Variants in ZNF469 observed in about 807,000 individuals in gnomAD.
The protein encoded by ZNF469 is zinc finger protein 469.
Under a neutral mutation model 1.0 loss-of-function variants are expected in ZNF469, and 1 was observed. That is an observed-to-expected ratio of 1.00 (90% CI 0.35 to 4.73). ZNF469 has a LOEUF of 4.73. ZNF469 is among the 30% of genes most tolerant of loss of function. The pLI, the probability that ZNF469 is intolerant of heterozygous loss-of-function variation, is 0.16. For synonymous variants in ZNF469, 2,703 were observed against 2,363.4 expected (o/e 1.14, Z -4.17); for missense variants, 6,100 against 5,356.3 (o/e 1.14, Z -4.33).
intron 1 of ZNF469, among the ~76,000 whole-genome samples, chr16:88,407,081 G>A (rs902257030): frequency 2.0e-5 from 3 of 152,216 alleles, no homozygotes; most frequent in South Asian, 2.1e-4. Context: ...TGTGACCGCC[G>A]CACCTGGGCC....
At chr16:88,289,172 T>G in the ZNF469 span, among the ~76,000 whole-genome samples, 1 of 151,132 alleles carries the variant, frequency 6.6e-6, no homozygotes, top group Non-Finnish European at 1.5e-5. Context: ...ATGATGATGA[T>G]GAGGGTGTTG....
the ZNF469 span, among the ~76,000 whole-genome samples, chr16:88,327,023 G>A: frequency 1.3e-5 from 2 of 152,188 alleles, no homozygotes; most frequent in African/African-American, 4.8e-5. Context: ...GGGCGGCCCC[G>A]CCTCTCTGAT....
chr16:88,336,822 A>G, the ZNF469 span, among the ~76,000 whole-genome samples: 1 of 152,214 alleles, frequency 6.6e-6, no homozygotes, highest in Non-Finnish European at 1.5e-5. Context: ...AGAACAGGTC[A>G]TCATCCCCAA....
the ZNF469 span, among the ~76,000 whole-genome samples, chr16:88,200,421 G>T: frequency 6.6e-6 from 1 of 152,244 alleles, no homozygotes; most frequent in Non-Finnish European, 1.5e-5. Context: ...CCGAGGAACC[G>T]CAGAAGGGAC....
chr16:88,374,935 C>T, the ZNF469 span, among the ~76,000 whole-genome samples: 1 of 152,240 alleles, frequency 6.6e-6, no homozygotes, highest in Non-Finnish European at 1.5e-5. Context: ...AAACGCCTGG[C>T]AGCGTTCAGT....
intron 1 of ZNF469, among the ~76,000 whole-genome samples, chr16:88,414,011 G>A (rs1050272167): frequency 1.3e-5 from 2 of 151,898 alleles, no homozygotes; most frequent in South Asian, 2.1e-4. Context: ...AAGACCATGC[G>A]GTGGAGCCGT....
chr16:88,428,113 G>T lies in ZNF469; in HGVS notation c.643G>T (p.Gly215Cys). 7 of 1,549,880 alleles carry T rather than the reference G, an allele frequency of 4.5e-6. No individual in the cohort carries two copies. Among genetic ancestry groups the T allele is most frequent in the Non-Finnish European group, 6.1e-6 (7 of 1,146,812 alleles). The change falls in exon 3 of 3, where the codon GGC (glycine) becomes TGC (cysteine). Residue 215 changes from glycine to cysteine, a missense_variant. Physicochemically the swap from Gly to Cys is radical, Grantham distance 159. Transcript: ENST00000565624. ...AGCCCCGGGGCCCCCCCAGAGCAGG[G>T]GCACCAGCCCCCTCCAGCCCGGTTC... ...PPAPGPPQSR[G>C]TSPLQPGSYP...
the ZNF469 span, among the ~76,000 whole-genome samples, chr16:88,298,278 G>A: frequency 6.6e-6 from 1 of 152,210 alleles, no homozygotes; most frequent in Non-Finnish European, 1.5e-5. Context: ...CCTGGTCAGG[G>A]CTTCCCGGAC....
chr16:88,403,933 T>C (rs116533952), intron 1 of ZNF469, among the ~76,000 whole-genome samples: 4,423 of 152,166 alleles, frequency 0.029, 71 homozygotes, highest in Non-Finnish European at 0.04. Context: ...TCCCACCAGC[T>C]CAGCTCTGTG....
the ZNF469 span, among the ~76,000 whole-genome samples, chr16:88,172,219 G>A: frequency 1.3e-5 from 2 of 152,216 alleles, no homozygotes; most frequent in African/African-American, 4.8e-5. Flanking sequence ...CTGGGGTTTT[G>A]GCTAAGCGTT....
At chr16:88,187,457 C>A in the ZNF469 span, among the ~76,000 whole-genome samples, 1 of 152,228 alleles carries the variant, frequency 6.6e-6, no homozygotes, top group Non-Finnish European at 1.5e-5. Flanking sequence ...ATCTCACAGG[C>A]CCTCTGTAAT....
the ZNF469 span, among the ~76,000 whole-genome samples, chr16:88,202,637 T>C: frequency 1.3e-5 from 2 of 152,158 alleles, no homozygotes; most frequent in Non-Finnish European, 2.9e-5. Context: ...TAGAATGGAC[T>C]TTGAGTTTCT....
At chr16:88,184,412 G>A in the ZNF469 span, among the ~76,000 whole-genome samples, 2 of 152,022 alleles carry the variant, frequency 1.3e-5, no homozygotes, top group South Asian at 2.1e-4. Flanking sequence ...CAGCCAATGA[G>A]AAGGCTATTT....
At chr16:88,422,793 T>G (rs1282365231) in intron 1 of ZNF469, among the ~76,000 whole-genome samples, 2 of 146,354 alleles carry the variant, frequency 1.4e-5, no homozygotes, top group South Asian at 4.4e-4. Context: ...GATGGATGGA[T>G]GGGTGGATGG....
At chr16:88,120,600 C>T in the ZNF469 span, among the ~76,000 whole-genome samples, 1 of 152,224 alleles carries the variant, frequency 6.6e-6, no homozygotes, top group Non-Finnish European at 1.5e-5. Context: ...AGCCCTCAAC[C>T]AGGGACGGAG....
At chr16:88,280,068 C>T in the ZNF469 span, among the ~76,000 whole-genome samples, 5 of 151,178 alleles carry the variant, frequency 3.3e-5, no homozygotes, top group East Asian at 2.0e-4. Flanking sequence ...TGCTGCATCA[C>T]GCCGACACTC....
At position 88,432,527 on chromosome 16, in the gene ZNF469, G is replaced by A; in HGVS notation, c.5057G>A (p.Ser1686Asn). The A allele has an allele frequency of 1.3e-6, 2 of 1,550,372 alleles. No homozygotes were observed. The highest frequency in any genetic ancestry group is 1.7e-6 in the Non-Finnish European group (2 of 1,146,974). The change falls in exon 3 of 3, where the codon AGC becomes AAC. Residue 1686 changes from serine to asparagine, a missense_variant. Coordinates refer to ENST00000565624, the MANE Select transcript of ZNF469 (RefSeq NM_001367624.2). ...QEDLVSGAPF[S>N]PRGANFHFQP... ...GACCTGGTTTCTGGGGCTCCTTTCAGCCCCAGGGGAGCCAACTTCCATTTT... is the reference window on the plus strand; with the variant it reads ...GACCTGGTTTCTGGGGCTCCTTTCAACCCCAGGGGAGCCAACTTCCATTTT...
At chr16:88,205,380 G>A in the ZNF469 span, among the ~76,000 whole-genome samples, 3 of 152,132 alleles carry the variant, frequency 2.0e-5, no homozygotes. The surrounding 1 kb of genome is among the most constrained non-coding windows in gnomAD (Gnocchi z 4.2). Flanking sequence ...TTGCAGGGCC[G>A]TACCCAGAAA....
At chr16:88,258,859 A>G in the ZNF469 span, among the ~76,000 whole-genome samples, 2 of 152,238 alleles carry the variant, frequency 1.3e-5, no homozygotes, top group African/African-American at 4.8e-5. Flanking sequence ...TCTACACTCA[A>G]GGAACCGAAG....
Sources: allele counts gnomAD v4.1 joint callset (sites outside exome capture counted in the v4.1 genomes callset), GRCh38; gene constraint gnomAD v4.1.1; non-coding constraint Gnocchi (gnomAD v3.1); transcripts MANE v1.5; gene names NCBI Gene and HGNC (gene_info 2026-07-23, HGNC 2026-07-21).